Variants in STK25 observed in about 807,000 individuals in gnomAD.
The protein encoded by STK25 is serine/threonine-protein kinase 25.
STK25 carries 29 observed loss-of-function variants against 53.8 expected under a neutral mutation model. The observed-to-expected ratio is 0.54, with a 90% confidence interval of 0.40 to 0.74. The LOEUF is 0.74. Ranked by LOEUF, STK25 falls within the 30% of genes least tolerant of loss-of-function variation. STK25 has a pLI of 0.00. For missense variants in STK25, 420 were observed against 568.0 expected, an observed-to-expected ratio of 0.74 and a Z score of 2.65; for synonymous variants, 247 against 238.3, an observed-to-expected ratio of 1.04 and a Z score of -0.33.
At position 241,496,554 on chromosome 2, in the gene STK25, C is replaced by T; in HGVS notation, c.1105-20G>A. On this transcript the variant is annotated intron_variant, in intron 10 of 11. Coordinates refer to ENST00000316586, the MANE Select transcript of STK25 (RefSeq NM_001271977.2). This position sits in a 1 kb window ranked among gnomAD's most constrained non-coding sequence, Gnocchi z 5.8. The stretch of plus-strand genomic sequence containing the variant: ...TTTGAGCTGTGAAAAGACCACCACG[C>T]CTGACCCTGGACCCCAGGACAGGCC... 3 of 1,610,422 alleles carry T rather than the reference C, an allele frequency of 1.9e-6. No individual in the cohort carries two copies. The highest frequency in any genetic ancestry group is 2.5e-6 in the Non-Finnish European group (3 of 1,177,944).
chr2:241,495,221 G>A lies in STK25; in HGVS notation c.*441C>T, dbSNP rs551198563. ...CAAATCTATGGCCATCATGGGCCCC[G>A]GGAGGACAGCGGCCAGGACACTCCT... On this transcript the variant is annotated 3_prime_UTR_variant, in exon 12 of 12. Transcript: ENST00000316586. 41 of 166,930 alleles carry A rather than the reference G, an allele frequency of 2.5e-4. No homozygotes were observed. Among genetic ancestry groups the A allele is most frequent in the Non-Finnish European group, 4.5e-4 (35 of 77,896 alleles). The allele number at this position is 166,930 out of a possible 1,614,324, so 10.3% of individuals were successfully genotyped here.
Position 241,496,517 on chromosome 2 carries a change from C to CT in STK25, c.1121dup (p.Gln375AlafsTer149), listed in dbSNP as rs2065167680. ...GCGCACCCACGCTCCCGCCGCTCTG[C>CT]TTGTGCTTCTCTTTGAGCTGTGAAA... On this transcript the variant is annotated frameshift_variant, in exon 11 of 12. Coordinates refer to ENST00000316586, the MANE Select transcript of STK25 (RefSeq NM_001271977.2). LOFTEE classifies it high-confidence loss of function. The surrounding 1 kb of genome is among the most constrained non-coding windows in gnomAD (Gnocchi z 5.8). 7 of 1,613,706 alleles carry CT rather than the reference C, an allele frequency of 4.3e-6. No homozygotes were observed. The highest frequency in any genetic ancestry group is 1.7e-5 in the Admixed American group (1 of 59,994).
chr2:241,498,495 C>A (rs2065310561), intron 8 of STK25, 144 bp downstream of exon 8: 3 of 1,255,710 alleles, frequency 2.4e-6, no homozygotes, highest in Admixed American at 2.5e-5. Context: ...CCTCAGCAGG[C>A]CCTGTCCTGC....
intron 5 of STK25, chr2:241,499,793 C>A (rs188797917): frequency 8.7e-6 from 4 of 459,186 alleles, no homozygotes; most frequent in African/African-American, 2.0e-5. Context: ...AGAGATGGCT[C>A]GTTGCCAGTG....
intron 2 of STK25, among the ~76,000 whole-genome samples, chr2:241,505,465 T>C (rs1483518205): frequency 6.6e-6 from 1 of 152,146 alleles, no homozygotes; most frequent in African/African-American, 2.4e-5. Flanking sequence ...AGCAGGGCCA[T>C]GACCTGGCAG....
chr2:241,496,843 C>G lies in STK25; in HGVS notation c.1105-309G>C, dbSNP rs974143464. Among the ~76,000 whole-genome samples, 3 of 152,176 alleles carry G rather than the reference C, an allele frequency of 2.0e-5. No homozygotes were observed. ...CCAGCCGAGGGTCATGGAAGCCACTCAATGGGTCTAATCAGACCCAAAAAC... is the reference window on the plus strand; with the variant it reads ...CCAGCCGAGGGTCATGGAAGCCACTGAATGGGTCTAATCAGACCCAAAAAC... On this transcript the variant is annotated intron_variant, in intron 10 of 11. Coordinates refer to ENST00000316586, the MANE Select transcript of STK25 (RefSeq NM_001271977.2). The surrounding 1 kb of genome is among the most constrained non-coding windows in gnomAD (Gnocchi z 5.8).
chr2:241,503,441 G>A (rs13033734), intron 2 of STK25, among the ~76,000 whole-genome samples: 57,394 of 149,994 alleles, frequency 0.38, 11,130 homozygotes, highest in Admixed American at 0.52. Context: ...GCCTGGGCGC[G>A]GTGGTTCACG....
chr2:241,495,630 C>G lies in STK25; in HGVS notation c.*32G>C. On this transcript the variant is annotated 3_prime_UTR_variant, in exon 12 of 12. Coordinates refer to ENST00000316586, the MANE Select transcript of STK25 (RefSeq NM_001271977.2). ...TGGAGCTCAGAACAAAAACAAACGA[C>G]CTTCCGTCCCCTATCTGAACAGCAG... The G allele has an allele frequency of 6.2e-7, 1 of 1,613,750 alleles. No homozygotes were observed. The highest frequency in any genetic ancestry group is 1.1e-5 in the South Asian group (1 of 91,080).
chr2:241,500,368 G>T, intron 4 of STK25, 87 bp from the exon 5 acceptor site: 1 of 918,002 alleles, frequency 1.1e-6, no homozygotes, highest in Non-Finnish European at 1.7e-6. Flanking sequence ...GGGAAGGGCT[G>T]TCCCTGCAGA....
chr2:241,506,670 G>A (rs1369503605), intron 2 of STK25, among the ~76,000 whole-genome samples: 1 of 152,210 alleles, frequency 6.6e-6, no homozygotes, highest in Non-Finnish European at 1.5e-5. Context: ...GGGAGGCCAA[G>A]ACAGGAGAAT....
chr2:241,497,489 C>T (rs2124952441), intron 10 of STK25, 127 bp downstream of exon 10: 1 of 953,542 alleles, frequency 1.0e-6, no homozygotes, highest in Non-Finnish European at 1.6e-6. Flanking sequence ...ACCCAGCCCA[C>T]AATCAGCTGC....
At chr2:241,509,031 C>G (rs2066023305), upstream of STK25, among the ~76,000 whole-genome samples, 2 of 152,256 alleles carry the variant, frequency 1.3e-5, no homozygotes, top group African/African-American at 2.4e-5. Context: ...ACCGCGGCCG[C>G]CCAGGCTTCT....
In STK25 at chr2:241,493,386, C is replaced by A; in HGVS notation, c.*2276G>T. ...CATACACAAAGACTATGTTTTCAAG[C>A]TCCAGTTCAAATCCCACGTCTACTT... On this transcript the variant is annotated 3_prime_UTR_variant, in exon 12 of 12. Coordinates refer to ENST00000316586, the MANE Select transcript of STK25 (RefSeq NM_001271977.2). 1 of 1,613,978 alleles carries A rather than the reference C, an allele frequency of 6.2e-7. No individual in the cohort carries two copies. Among genetic ancestry groups the A allele is most frequent in the South Asian group, 1.1e-5 (1 of 91,084 alleles).
chr2:241,492,961 CA>C lies in STK25; in HGVS notation c.*2700del, dbSNP rs1280526890. 2 of 1,612,558 alleles carry C rather than the reference CA, an allele frequency of 1.2e-6. No individual in the cohort carries two copies. The highest frequency in any genetic ancestry group is 1.7e-6 in the Non-Finnish European group (2 of 1,178,592). On this transcript the variant is annotated 3_prime_UTR_variant, in exon 12 of 12. Coordinates refer to ENST00000316586, the MANE Select transcript of STK25 (RefSeq NM_001271977.2). ...TTTCAGGATATCTGCTAAGAAAGTT[CA>C]AAAACAGTCATGGCTGGCAGAAGCT...
At chr2:241,508,738 C>G (rs2066011322), upstream of STK25, 3 of 985,108 alleles carry the variant, frequency 3.0e-6, no homozygotes, top group Non-Finnish European at 3.6e-6. Flanking sequence ...GGCTCGCATG[C>G]GCGCCGCGAG....
intron 2 of STK25, among the ~76,000 whole-genome samples, chr2:241,506,445 C>T (rs2065835468): frequency 6.6e-6 from 1 of 152,222 alleles, no homozygotes; most frequent in Admixed American, 6.5e-5. Context: ...CATCCTGTGA[C>T]CCAAAGGAGT....
In STK25 at chr2:241,501,531, G is replaced by A. The variant is rs1252961209; in HGVS notation, c.208C>T (p.Leu70Phe). Residue 70 changes from leucine (L) to phenylalanine (F), a missense_variant, in exon 3 of 12, where the codon CTC becomes TTC. By Grantham distance (22) the Leu-to-Phe change is conservative (BLOSUM62 0). Coordinates refer to ENST00000316586, the MANE Select transcript of STK25 (RefSeq NM_001271977.2). The surrounding 1 kb of genome is among the most constrained non-coding windows in gnomAD (Gnocchi z 5.3). Reference protein sequence around the residue: ...IEDIQQEITVLSQCDSPYITR... With the variant: ...IEDIQQEITVFSQCDSPYITR... Reference sequence around the variant, plus strand: ...ATGTAGGGGCTGTCGCACTGACTGAGGACAGTGATCTCCTGCTGGATGTCC... The same window carrying A: ...ATGTAGGGGCTGTCGCACTGACTGAAGACAGTGATCTCCTGCTGGATGTCC... The A allele has an allele frequency of 5.0e-6, 8 of 1,614,004 alleles. No homozygotes were observed. The highest frequency in any genetic ancestry group is 6.8e-6 in the Non-Finnish European group (8 of 1,180,050).
rs144822085 is a variant in STK25, at chr2:241,506,495, C to T, written c.30+1511G>A. Among the ~76,000 whole-genome samples the T allele has an allele frequency of 8.9e-4, 136 of 152,298 alleles. 2 individuals are homozygous for T. In the East Asian group the frequency reaches 0.019, roughly 21 times the overall value. On this transcript the variant is annotated intron_variant, in intron 2 of 11. Transcript: ENST00000316586. Reference sequence around the variant, plus strand: ...TTAAAAATAAACTGGTGGCCGAGCGCGGTGGCTCATGCCTGTAATCCCAGC... The same window carrying T: ...TTAAAAATAAACTGGTGGCCGAGCGTGGTGGCTCATGCCTGTAATCCCAGC...
In STK25 at chr2:241,494,717, C is replaced by T. The variant is rs2065058691; in HGVS notation, c.*945G>A. ...TAGAGAAGCAGAAACCAAAGTCCCC[C>T]TGTGCCCTGGGAGGGTGGGGCCGTC... On this transcript the variant is annotated 3_prime_UTR_variant, in exon 12 of 12. Coordinates refer to ENST00000316586, the MANE Select transcript of STK25 (RefSeq NM_001271977.2). The surrounding 1 kb of genome is among the most constrained non-coding windows in gnomAD (Gnocchi z 4.9). The T allele has an allele frequency of 6.6e-6, 1 of 152,224 alleles. No individual in the cohort carries two copies. Among genetic ancestry groups the T allele is most frequent in the Non-Finnish European group, 1.5e-5 (1 of 68,052 alleles). 9.4% of individuals were successfully genotyped at this position (152,224 alleles called of 1,614,324 possible).
Sources: allele counts gnomAD v4.1 joint callset (sites outside exome capture counted in the v4.1 genomes callset), GRCh38; gene constraint gnomAD v4.1.1; non-coding constraint Gnocchi (gnomAD v3.1); transcripts MANE v1.5; gene names NCBI Gene and HGNC (gene_info 2026-07-23, HGNC 2026-07-21).